The following CLASP1 variants were observed in gnomAD, a reference collection of about 807,000 sequenced individuals.
The protein encoded by CLASP1 is CLIP-associating protein 1.
In CLASP1, 38 loss-of-function variants were observed where a neutral mutation model predicts 192.3. The ratio of observed to expected loss-of-function variants is 0.20; its 90% CI spans 0.15 to 0.26. CLASP1 has a LOEUF of 0.26. CLASP1 is among the 10% of genes least tolerant of loss of function. CLASP1 has a pLI of 1.00. For missense variants in CLASP1, 1,433 were observed against 1,932.5 expected (o/e 0.74, Z 4.85); for synonymous variants, 691 against 712.8 (o/e 0.97, Z 0.49).
At chr2:121,643,458 T>C (rs930692145) in intron 1 of CLASP1, among the ~76,000 whole-genome samples, 1 of 152,180 alleles carries the variant, frequency 6.6e-6, no homozygotes, top group Non-Finnish European at 1.5e-5. Flanking sequence ...TCAGGGTGAA[T>C]TTCATTTGCA....
chr2:121,518,202 G>A (rs1482827318), intron 6 of CLASP1, among the ~76,000 whole-genome samples: 1 of 134,338 alleles, frequency 7.4e-6, no homozygotes, highest in African/African-American at 3.0e-5. Flanking sequence ...CTGCATTCCA[G>A]CCTGGGTGAC....
chr2:121,629,431 T>G (rs2069051308), intron 1 of CLASP1, among the ~76,000 whole-genome samples: 1 of 151,728 alleles, frequency 6.6e-6, no homozygotes, highest in African/African-American at 2.4e-5. Context: ...AATAAATCTG[T>G]TCTTATTGGA....
At chr2:121,586,452 T>A (rs1465253946) in intron 2 of CLASP1, among the ~76,000 whole-genome samples, 1 of 152,028 alleles carries the variant, frequency 6.6e-6, no homozygotes, top group Non-Finnish European at 1.5e-5. Flanking sequence ...GAAAGAAAAA[T>A]TTTAAATCCT....
At chr2:121,563,351 T>C (rs999712299) in intron 2 of CLASP1, among the ~76,000 whole-genome samples, 1 of 152,190 alleles carries the variant, frequency 6.6e-6, no homozygotes, top group African/African-American at 2.4e-5. Context: ...AACAAGACTT[T>C]GTCAAAGGCC....
intron 1 of CLASP1, among the ~76,000 whole-genome samples, chr2:121,622,049 T>A (rs1255123590): frequency 6.6e-6 from 1 of 151,616 alleles, no homozygotes; most frequent in East Asian, 2.0e-4. Flanking sequence ...GGTTTCAGCA[T>A]GTTGTTGTTC....
intron 10 of CLASP1, among the ~76,000 whole-genome samples, 197 bp from the exon 11 acceptor site, chr2:121,461,390 T>C (rs980930510): frequency 2.0e-4 from 30 of 152,342 alleles, no homozygotes; most frequent in Middle Eastern, 3.4e-3. Flanking sequence ...CAAGATTTGC[T>C]GCCATATGTG....
At chr2:121,342,994 C>T (rs1027309556) in intron 39 of CLASP1, among the ~76,000 whole-genome samples, 1 of 152,114 alleles carries the variant, frequency 6.6e-6, no homozygotes, top group Non-Finnish European at 1.5e-5. Flanking sequence ...AGCTTCTGGC[C>T]TCAAGTGACC....
At chr2:121,488,548 C>G (rs2093123639) in intron 8 of CLASP1, among the ~76,000 whole-genome samples, 1 of 152,218 alleles carries the variant, frequency 6.6e-6, no homozygotes. Context: ...TTGTCTAAGA[C>G]AGCAAAAACT....
intron 9 of CLASP1, among the ~76,000 whole-genome samples, chr2:121,464,270 A>C (rs2088913379): frequency 6.6e-6 from 1 of 151,192 alleles, no homozygotes; most frequent in African/African-American, 2.5e-5. Context: ...GTTGGTTCCA[A>C]GTCTTTGCTA....
At chr2:121,458,737 T>G (rs1174859209) in intron 13 of CLASP1, 103 bp downstream of exon 13, 4 of 869,866 alleles carry the variant, frequency 4.6e-6, no homozygotes, top group Non-Finnish European at 4.9e-6. Flanking sequence ...GCTAATAAAT[T>G]TAATGACTCA....
chr2:121,543,568 C>T (rs1204366552), intron 2 of CLASP1, among the ~76,000 whole-genome samples: 1 of 152,068 alleles, frequency 6.6e-6, no homozygotes, highest in East Asian at 1.9e-4. Context: ...CAGCCCCCAG[C>T]GCGCCAACAG....
Position 121,530,879 on chromosome 2 carries a change from T to G in CLASP1, c.196-554A>C, listed in dbSNP as rs111741835. ...CTTGCAGCCCAGGGACTTTCTATTA[T>G]AACCATCCTTTTCTTGGGGTTGCGC... is the stretch of plus-strand genomic sequence containing the variant. On this transcript the variant is annotated intron_variant, in intron 2 of 39. Coordinates refer to ENST00000263710, the Ensembl canonical transcript of CLASP1. 16 of 692,066 alleles carry G rather than the reference T, an allele frequency of 2.3e-5. No individual in the cohort carries two copies. The South Asian group carries it at 2.4e-4, about 10-fold the overall frequency. 42.9% of individuals were successfully genotyped at this position (692,066 alleles called of 1,614,324 possible).
At chr2:121,363,604 C>A (rs1441605180) in intron 36 of CLASP1, among the ~76,000 whole-genome samples, 2 of 152,192 alleles carry the variant, frequency 1.3e-5, no homozygotes, top group Non-Finnish European at 2.9e-5. Flanking sequence ...GGATGATATA[C>A]CTAAGTTCAT....
chr2:121,520,796 C>T lies in CLASP1; in HGVS notation c.547-5034G>A, dbSNP rs185759321. 2.4e-3 allele frequency among the ~76,000 whole-genome samples: 370 copies of T among 152,300 alleles called. 2 individuals carry two copies. The highest frequency in any genetic ancestry group is 8.6e-3 in the African/African-American group (358 of 41,554). ...GGACCACTGGCTGCCTCTGTTACAG[C>T]CACTGCCCTGTCCTCATCAACAAGC... is the stretch of plus-strand genomic sequence containing the variant. On this transcript the variant is annotated intron_variant, in intron 6 of 39. Coordinates refer to ENST00000263710, the Ensembl canonical transcript of CLASP1.
At chr2:121,576,198 T>C (rs1051267193) in intron 2 of CLASP1, among the ~76,000 whole-genome samples, 1 of 152,094 alleles carries the variant, frequency 6.6e-6, no homozygotes, top group Non-Finnish European at 1.5e-5. Context: ...AAATTTTTTT[T>C]TTAAAAAAAG....
At chr2:121,528,888 ATGTATC>A (rs1247845302) in intron 3 of CLASP1, 108 bp from the exon 4 acceptor site, 4 of 818,236 alleles carry the variant, frequency 4.9e-6, no homozygotes, top group Non-Finnish European at 8.3e-6. Context: ...GACCTAAATG[ATGTATC>A]TCATTCTAAA....
Position 121,559,469 on chromosome 2 carries a change from T to C in CLASP1, c.196-29144A>G, listed in dbSNP as rs188767022. Among the ~76,000 whole-genome samples the C allele has an allele frequency of 7.2e-5, 11 of 152,316 alleles. No individual in the cohort carries two copies. The East Asian group carries it at 1.7e-3, about 24-fold the overall frequency. On this transcript the variant is annotated intron_variant, in intron 2 of 39. Coordinates refer to ENST00000263710, the Ensembl canonical transcript of CLASP1. ...ATCCAACAACTGACAAAATGTGGTA[T>C]ACCTACATAATGGAATATTATTTGG...
intron 17 of CLASP1, 117 bp downstream of exon 17, chr2:121,448,836 T>C: frequency 1.0e-6 from 1 of 989,378 alleles, no homozygotes; most frequent in Non-Finnish European, 1.5e-6. Flanking sequence ...CTACCTCAAG[T>C]AAGGGGGCGT....
chr2:121,416,934 T>C (rs1363391851), intron 23 of CLASP1, among the ~76,000 whole-genome samples: 2 of 152,216 alleles, frequency 1.3e-5, no homozygotes, highest in Non-Finnish European at 2.9e-5. Flanking sequence ...AGCAATGCTG[T>C]TGTTCTTGCT....
Sources: gnomAD v4.1 joint callset for allele counts (sites outside exome capture counted in the v4.1 genomes callset) on GRCh38, gnomAD v4.1.1 for gene constraint, MANE v1.5 for transcripts, NCBI Gene and HGNC (gene_info 2026-07-23, HGNC 2026-07-21) for gene names.